The following DDX5 variants were observed in gnomAD, a reference collection of about 807,000 sequenced individuals.
The protein encoded by DDX5 is DEAD-box helicase 5.
In DDX5, 6 loss-of-function variants were observed where a neutral mutation model predicts 68.6. The observed-to-expected ratio is 0.09, with a 90% CI of 0.05 to 0.17. DDX5 has a LOEUF of 0.17. DDX5 is among the 10% of genes least tolerant of loss of function. The pLI is 1.00. For missense variants in DDX5, 499 were observed against 756.1 expected, an observed-to-expected ratio of 0.66 and a Z score of 3.99; for synonymous variants, 350 against 247.0, an observed-to-expected ratio of 1.42 and a Z score of -3.91.
Position 64,498,959 on chromosome 17 carries a change from G to A in DDX5, c.*964C>T, listed in dbSNP as rs2038226385. Among the ~76,000 whole-genome samples, 1 of 152,170 alleles carries A rather than the reference G, an allele frequency of 6.6e-6. No individual in the cohort carries two copies. The highest frequency in any genetic ancestry group is 1.5e-5 in the Non-Finnish European group (1 of 68,030). On this transcript the variant is annotated 3_prime_UTR_variant, in exon 13 of 13. Transcript: ENST00000225792. ...TGAGTATGAATAGACCTTACAGTTT[G>A]AGGATCTCTAGAATTCCCTGAATTA...
intron 1 of DDX5, chr17:64,505,624 A>G (rs998798658): frequency 2.8e-6 from 3 of 1,061,782 alleles, no homozygotes; most frequent in South Asian, 2.7e-5. Context: ...TGTACTCGCG[A>G]CTCAGCCACA....
intron 1 of DDX5, chr17:64,505,696 C>T: frequency 6.6e-6 from 10 of 1,521,054 alleles, no homozygotes; most frequent in Non-Finnish European, 8.8e-6. Flanking sequence ...GGTCCCCTCG[C>T]TCCCACAGAA....
Position 64,506,278 on chromosome 17 carries a change from A to G in DDX5, c.-159T>C. 2 of 1,534,026 alleles carry G rather than the reference A, an allele frequency of 1.3e-6. No homozygotes were observed. The highest frequency in any genetic ancestry group is 1.8e-6 in the Non-Finnish European group (2 of 1,140,296). ...AGCTGCACTACTAGAGACCGGTAGA[A>G]ATGAATGAGGTGCCGGCCGCTTTCC... On this transcript the variant is annotated 5_prime_UTR_variant, in exon 1 of 13. Coordinates refer to ENST00000225792, the MANE Select transcript of DDX5 (RefSeq NM_004396.5).
In DDX5 at chr17:64,504,700, G is replaced by A. The variant is rs533155437; in HGVS notation, c.187C>T (p.Pro63Ser). 7 of 1,613,400 alleles carry A rather than the reference G, an allele frequency of 4.3e-6. No individual in the cohort carries two copies. Among genetic ancestry groups the A allele is most frequent in the Admixed American group, 1.7e-5 (1 of 59,888 alleles). The change falls in exon 2 of 13, where the codon CCT becomes TCT. Residue 63 changes from proline to serine, a missense_variant. By Grantham distance (74) the Pro-to-Ser change is moderately conservative. Coordinates refer to ENST00000225792, the MANE Select transcript of DDX5 (RefSeq NM_004396.5). ...ACTGCTGTGCGCCTAGCCAAATCAGGGTGCTCTTGATAAAAATTCTTCTCA... is the reference window on the plus strand; with the variant it reads ...ACTGCTGTGCGCCTAGCCAAATCAGAGTGCTCTTGATAAAAATTCTTCTCA... ...KFEKNFYQEHPDLARRTAQEV... is the reference protein window; with the variant it reads ...KFEKNFYQEHSDLARRTAQEV...
intron 1 of DDX5, chr17:64,505,734 G>C: frequency 2.0e-6 from 3 of 1,536,010 alleles, no homozygotes; most frequent in Non-Finnish European, 1.7e-6. Context: ...AACACCTCCC[G>C]AAACGCCGCA....
At chr17:64,506,019 G>GTCCCCCCCCCCCC in intron 1 of DDX5, 57 bp downstream of exon 1, 8 of 1,360,400 alleles carry the variant, frequency 5.9e-6, no homozygotes, top group Non-Finnish European at 8.1e-6. Flanking sequence ...CCGCCACCCT[G>GTCCCCCCCCCCCC]ACCCGCCCTC....
In DDX5 at chr17:64,505,795, C is replaced by A. The variant is rs781945682; in HGVS notation, c.44+281G>T. On this transcript the variant is annotated intron_variant, in intron 1 of 12. Transcript: ENST00000225792. ...TCGAAGCGTCCCGCTTTCATCCGCA[C>A]AATACGCTCCCTCTCAACTCCCTCA... is the stretch of plus-strand genomic sequence containing the variant. The A allele has an allele frequency of 5.2e-6, 8 of 1,534,728 alleles. No homozygotes were observed. In the South Asian group the frequency reaches 5.9e-5, roughly 11 times the overall value.
Position 64,506,166 on chromosome 17 carries a change from G to A in DDX5, c.-47C>T, listed in dbSNP as rs1555672571. On this transcript the variant is annotated 5_prime_UTR_variant, in exon 1 of 13. The change creates a new upstream start codon in the 5' untranslated region. Transcript: ENST00000225792. ...CGGGGAACGAAGTATATAGAAAAGCGTGCGACAAGTCGCTGGAAATGGCCT... is the reference window on the plus strand; with the variant it reads ...CGGGGAACGAAGTATATAGAAAAGCATGCGACAAGTCGCTGGAAATGGCCT... 2 of 1,598,808 alleles carry A rather than the reference G, an allele frequency of 1.3e-6. No homozygotes were observed. The highest frequency in any genetic ancestry group is 1.1e-5 in the South Asian group (1 of 88,234).
At chr17:64,504,484 T>C in intron 2 of DDX5, 166 bp from the exon 3 acceptor site, 1 of 918,722 alleles carries the variant, frequency 1.1e-6, no homozygotes, top group Non-Finnish European at 1.6e-6. Context: ...AAATTTATTG[T>C]TATACTCAAC....
chr17:64,505,573 G>A, intron 1 of DDX5: 1 of 697,724 alleles, frequency 1.4e-6, no homozygotes, highest in Non-Finnish European at 2.5e-6. Context: ...CCGCCGGGCG[G>A]GGTAACAAAG....
chr17:64,502,095 C>T lies in DDX5; in HGVS notation c.1157-26G>A, dbSNP rs781937903. 5.6e-6 allele frequency: 9 copies of T among 1,613,826 alleles called. No homozygotes were observed. In the East Asian group the frequency reaches 1.8e-4, roughly 32 times the overall value. ...CTACAAAGGAAGGCATATACATGAT[C>T]AATTATCTGAGCAGAATTCTAGCTA... On this transcript the variant is annotated intron_variant, in intron 10 of 12. Coordinates refer to ENST00000225792, the MANE Select transcript of DDX5 (RefSeq NM_004396.5).
At chr17:64,501,263 G>A (rs1283091577) in intron 11 of DDX5, 1 of 162,494 alleles carries the variant, frequency 6.2e-6, no homozygotes, top group Non-Finnish European at 1.4e-5. Flanking sequence ...AAACATACCT[G>A]TCCCCCAAAA....
chr17:64,501,296 C>T (rs1401510593), intron 11 of DDX5: 3 of 160,484 alleles, frequency 1.9e-5, no homozygotes, highest in Non-Finnish European at 2.8e-5. Flanking sequence ...CACTGTGTCT[C>T]GTCTAGGCAA....
chr17:64,502,117 G>C (rs377434810), intron 10 of DDX5, 45 bp downstream of exon 10: 8 of 1,613,436 alleles, frequency 5.0e-6, no homozygotes, highest in Non-Finnish European at 3.4e-6. Context: ...CAGAATTCTA[G>C]CTAGGTTAAG....
intron 6 of DDX5, 38 bp from the exon 7 acceptor site, chr17:64,503,386 G>T (rs200418138): frequency 6.2e-7 from 1 of 1,613,866 alleles, no homozygotes; most frequent in South Asian, 1.1e-5. Flanking sequence ...CAATACCTAG[G>T]ATATTTAGCA....
intron 1 of DDX5, chr17:64,505,721 A>G (rs1555672206): frequency 6.5e-7 from 1 of 1,534,934 alleles, no homozygotes. Context: ...CGGCCACCCC[A>G]AAAACACCTC....
In DDX5 at chr17:64,499,273, A is replaced by G. The variant is rs1229659043; in HGVS notation, c.*650T>C. 1.3e-5 allele frequency among the ~76,000 whole-genome samples: 2 copies of G among 152,212 alleles called. No homozygotes were observed. The highest frequency in any genetic ancestry group is 6.5e-5 in the Admixed American group (1 of 15,276). On this transcript the variant is annotated 3_prime_UTR_variant, in exon 13 of 13. Coordinates refer to ENST00000225792, the MANE Select transcript of DDX5 (RefSeq NM_004396.5). ...AAAGTCACCCACGTTCTCACACTAT[A>G]TAGATGACTTTGTATCTATTTTACT... is the stretch of plus-strand genomic sequence containing the variant.
intron 1 of DDX5, 79 bp from the exon 2 acceptor site, chr17:64,504,921 C>T: frequency 7.0e-7 from 1 of 1,426,150 alleles, no homozygotes; most frequent in Non-Finnish European, 9.4e-7. Context: ...TCCATTGGCA[C>T]AAGCTAAAAA....
chr17:64,502,946 A>G lies in DDX5; in HGVS notation c.963T>C (p.His321=). 13 of 1,599,314 alleles carry G rather than the reference A, an allele frequency of 8.1e-6. No homozygotes were observed. Among genetic ancestry groups the G allele is most frequent in the Non-Finnish European group, 1.1e-5 (13 of 1,171,970 alleles). Residue 321 remains histidine, a synonymous_variant, in exon 8 of 13, where the codon CAT becomes CAC. Transcript: ENST00000225792. ...CTTACTTTTCATCCTTTTCTACGTC[A>G]TGACACACATCCACAATCTGAAGAA... The part of the protein sequence containing the change: ...HNILQIVDVC[H]DVEKDEKLIR...
Sources: allele counts gnomAD v4.1 joint callset (sites outside exome capture counted in the v4.1 genomes callset), GRCh38; gene constraint gnomAD v4.1.1; transcripts MANE v1.5; gene names NCBI Gene and HGNC (gene_info 2026-07-23, HGNC 2026-07-21).